Variants in SH3GL3 observed in about 807,000 individuals in gnomAD.
SH3GL3 encodes SH3 domain containing GRB2 like 3, endophilin A3.
In SH3GL3, 33 loss-of-function variants were observed where a neutral mutation model predicts 47.7. That is an observed-to-expected ratio of 0.69 (90% CI 0.52 to 0.92). SH3GL3 has a LOEUF of 0.92. SH3GL3 is among the 40% of genes least tolerant of loss of function. SH3GL3 has a pLI of 0.00. For synonymous variants in SH3GL3, 155 were observed against 148.8 expected (o/e 1.04, Z -0.30); for missense variants, 363 against 417.8 (o/e 0.87, Z 1.14).
At chr15:83,586,614 T>C (rs2059961946) in intron 6 of SH3GL3, among the ~76,000 whole-genome samples, 1 of 152,212 alleles carries the variant, frequency 6.6e-6, no homozygotes, top group South Asian at 2.1e-4. Context: ...AAGTAGGCAG[T>C]TCTTTTGCTA....
At chr15:83,550,322 A>G (rs1296672204) in intron 1 of SH3GL3, among the ~76,000 whole-genome samples, 1 of 152,204 alleles carries the variant, frequency 6.6e-6, no homozygotes, top group Non-Finnish European at 1.5e-5. Context: ...ACAGCCCAGT[A>G]ATTGTAGGAA....
At chr15:83,536,405 C>CTT (rs386383625) in intron 1 of SH3GL3, among the ~76,000 whole-genome samples, 6 of 113,680 alleles carry the variant, frequency 5.3e-5, no homozygotes, top group Non-Finnish European at 1.0e-4. Context: ...CTTTTCTTTT[C>CTT]TTTTTTTTTT....
intron 1 of SH3GL3, among the ~76,000 whole-genome samples, chr15:83,508,157 G>T (rs1156354908): frequency 3.3e-5 from 5 of 151,938 alleles, no homozygotes; most frequent in Non-Finnish European, 7.4e-5. Context: ...GGCTAGGATG[G>T]TCTCGATCTC....
At chr15:83,490,724 T>G (rs1220913862) in intron 1 of SH3GL3, 1 of 1,552,086 alleles carries the variant, frequency 6.4e-7, no homozygotes, top group African/African-American at 1.4e-5. Flanking sequence ...AATATCATCC[T>G]TTGGAATTTG....
intron 1 of SH3GL3, among the ~76,000 whole-genome samples, chr15:83,471,570 C>G (rs868302917): frequency 6.6e-6 from 1 of 152,204 alleles, no homozygotes; most frequent in Non-Finnish European, 1.5e-5. Flanking sequence ...TGTAGCCAAT[C>G]CAGTGATTTC....
chr15:83,613,389 G>T (rs2060722845), intron 8 of SH3GL3, among the ~76,000 whole-genome samples: 1 of 152,330 alleles, frequency 6.6e-6, no homozygotes, highest in East Asian at 1.9e-4. Flanking sequence ...ATCAAAGTGG[G>T]CAATGTGGCA....
intron 1 of SH3GL3, among the ~76,000 whole-genome samples, chr15:83,544,091 G>A (rs2044293311): frequency 6.6e-6 from 1 of 151,392 alleles, no homozygotes; most frequent in Non-Finnish European, 1.5e-5. Flanking sequence ...TTCTTTAGAT[G>A]CATCATTAGG....
At chr15:83,599,331 C>A (rs1184907865) in intron 8 of SH3GL3, among the ~76,000 whole-genome samples, 1 of 152,132 alleles carries the variant, frequency 6.6e-6, no homozygotes, top group African/African-American at 2.4e-5. Context: ...CAATTTGTAG[C>A]CTTTTATCCC....
chr15:83,627,223 C>G, the SH3GL3 span, among the ~76,000 whole-genome samples: 2 of 151,922 alleles, frequency 1.3e-5, no homozygotes, highest in Admixed American at 1.3e-4. Context: ...CGGTGAAACC[C>G]CATCTCTACT....
At chr15:83,485,465 T>C (rs2151566385) in intron 1 of SH3GL3, among the ~76,000 whole-genome samples, 1 of 152,302 alleles carries the variant, frequency 6.6e-6, no homozygotes, top group South Asian at 2.1e-4. Flanking sequence ...TTTAGCATTG[T>C]AAAGTGTGTG....
rs146383875 is a variant in SH3GL3 at position 83,569,844 on chromosome 15, C to T, written c.331+1172C>T. 2.5e-3 allele frequency among the ~76,000 whole-genome samples: 380 copies of T among 152,272 alleles called. 2 individuals are homozygous for T. The highest frequency in any genetic ancestry group is 8.7e-3 in the African/African-American group (361 of 41,538). ...TGTTTGTGTCCTTAGCCTGCTTTTG[C>T]ATCAGGAGGTCCATTTTTTCCCCCC... On this transcript the variant is annotated intron_variant, in intron 4 of 8. Transcript: ENST00000427482.
chr15:83,618,901 G>A (rs1039875212), downstream of SH3GL3, among the ~76,000 whole-genome samples: 2 of 152,148 alleles, frequency 1.3e-5, no homozygotes, highest in African/African-American at 4.8e-5. Flanking sequence ...AACATGACAC[G>A]AATCCTCCTT....
chr15:83,584,380 CA>C (rs1211211552), intron 6 of SH3GL3, among the ~76,000 whole-genome samples: 1 of 152,186 alleles, frequency 6.6e-6, no homozygotes, highest in Non-Finnish European at 1.5e-5. Flanking sequence ...ATCATAACCG[CA>C]AAGTCCCTTT....
chr15:83,567,326 C>G (rs2045597207), intron 3 of SH3GL3, among the ~76,000 whole-genome samples: 1 of 152,178 alleles, frequency 6.6e-6, no homozygotes, highest in Non-Finnish European at 1.5e-5. Flanking sequence ...TGCCCTGCAC[C>G]ACACTGGACT....
At chr15:83,591,758 T>G (rs570944532) in intron 8 of SH3GL3, among the ~76,000 whole-genome samples, 1 of 152,230 alleles carries the variant, frequency 6.6e-6, no homozygotes, top group African/African-American at 2.4e-5. Context: ...CCATCTCGGC[T>G]CACTGCAAGC....
chr15:83,564,111 C>T (rs2045420763), intron 2 of SH3GL3, among the ~76,000 whole-genome samples: 1 of 152,008 alleles, frequency 6.6e-6, no homozygotes, highest in African/African-American at 2.4e-5. Flanking sequence ...AGTTTCTTCC[C>T]ACTCCAGTAT....
intron 1 of SH3GL3, among the ~76,000 whole-genome samples, chr15:83,457,722 C>T (rs995760329): frequency 6.6e-6 from 1 of 152,144 alleles, no homozygotes; most frequent in Non-Finnish European, 1.5e-5. Flanking sequence ...CATTCTTGCT[C>T]CTTTTCACAT....
intron 1 of SH3GL3, among the ~76,000 whole-genome samples, chr15:83,479,296 G>C (rs1394830529): frequency 6.6e-6 from 1 of 152,070 alleles, no homozygotes; most frequent in Non-Finnish European, 1.5e-5. Context: ...TCCACTGTAA[G>C]CAGACCTCGA....
intron 8 of SH3GL3, among the ~76,000 whole-genome samples, chr15:83,609,730 G>A (rs910556595): frequency 2.0e-5 from 3 of 152,080 alleles, no homozygotes; most frequent in Admixed American, 6.5e-5. Context: ...AGAGCTGTGA[G>A]TTTTAGTGCA....
Sources: gnomAD v4.1 joint callset for allele counts (sites outside exome capture counted in the v4.1 genomes callset) on GRCh38, gnomAD v4.1.1 for gene constraint, MANE v1.5 for transcripts, NCBI Gene and HGNC (gene_info 2026-07-23, HGNC 2026-07-21) for gene names.